The following TMEM135 variants were observed in gnomAD, a reference collection of about 807,000 sequenced individuals.
The protein encoded by TMEM135 is peroxisomal membrane protein 52.
A neutral mutation model predicts 60.3 loss-of-function variants in TMEM135; 30 were observed. The ratio of observed to expected loss-of-function variants is 0.50; its 90% CI spans 0.37 to 0.68. The LOEUF is 0.68. Ranked by LOEUF, TMEM135 falls within the 30% of genes least tolerant of loss-of-function variation. The pLI is 0.00. For missense variants in TMEM135, 468 were observed against 548.8 expected (o/e 0.85, Z 1.47); for synonymous variants, 190 against 186.7 (o/e 1.02, Z -0.14).
At chr11:87,071,479 A>G (rs1199125091) in intron 2 of TMEM135, 44 bp from the exon 3 acceptor site, 2 of 1,461,670 alleles carry the variant, frequency 1.4e-6, no homozygotes, top group East Asian at 2.3e-5. Flanking sequence ...AACTGAAGTG[A>G]CCAACTAGGA....
intron 4 of TMEM135, among the ~76,000 whole-genome samples, chr11:87,136,896 C>A (rs1010553191): frequency 1.7e-4 from 26 of 151,976 alleles, no homozygotes; most frequent in Non-Finnish European, 1.5e-4. Flanking sequence ...TTCTTCTTTT[C>A]CAGATTATAG....
chr11:87,140,913 T>A (rs1229057250), intron 4 of TMEM135, among the ~76,000 whole-genome samples: 1 of 152,204 alleles, frequency 6.6e-6, no homozygotes, highest in Non-Finnish European at 1.5e-5. Flanking sequence ...TATATTGATA[T>A]CTTTGTAGAA....
At chr11:87,313,368 A>G in intron 10 of TMEM135, 57 bp from the exon 11 acceptor site, 3 of 1,418,776 alleles carry the variant, frequency 2.1e-6, no homozygotes, top group Non-Finnish European at 3.0e-6. Flanking sequence ...TTTTTGTTTT[A>G]TGCTTTTATT....
chr11:87,288,141 C>G (rs546652597), intron 6 of TMEM135, among the ~76,000 whole-genome samples: 30 of 152,120 alleles, frequency 2.0e-4, no homozygotes, highest in Non-Finnish European at 4.0e-4. Context: ...AGAGGACTTT[C>G]TGTAACAATG....
In TMEM135 at chr11:87,213,388, G is replaced by A. The variant is rs115621071; in HGVS notation, c.463-23250G>A. ...TATAACAGAATATCAAGCTGAATACGTCATAAAAAATGACCGAGGGTACCT... is the reference window on the plus strand; with the variant it reads ...TATAACAGAATATCAAGCTGAATACATCATAAAAAATGACCGAGGGTACCT... On this transcript the variant is annotated intron_variant, in intron 5 of 14. Coordinates refer to ENST00000305494, the MANE Select transcript of TMEM135 (RefSeq NM_022918.4). Among the ~76,000 whole-genome samples, 326 of 152,116 alleles carry A rather than the reference G, an allele frequency of 2.1e-3. 6 individuals carry two copies. Among genetic ancestry groups the A allele is most frequent in the African/African-American group, 7.2e-3 (298 of 41,510 alleles).
intron 4 of TMEM135, among the ~76,000 whole-genome samples, chr11:87,104,249 G>T (rs542805981): frequency 6.6e-6 from 1 of 152,110 alleles, no homozygotes; most frequent in South Asian, 2.1e-4. Flanking sequence ...CATAACTGTG[G>T]GTTTATTTAT....
At chr11:87,203,655 G>A (rs1195275168) in intron 5 of TMEM135, among the ~76,000 whole-genome samples, 1 of 152,178 alleles carries the variant, frequency 6.6e-6, no homozygotes, top group African/African-American at 2.4e-5. Flanking sequence ...TAGGAATAGA[G>A]CTCTAATAAA....
At chr11:87,135,467 C>T (rs1938064454) in intron 4 of TMEM135, among the ~76,000 whole-genome samples, 1 of 148,528 alleles carries the variant, frequency 6.7e-6, no homozygotes, top group Admixed American at 6.8e-5. Flanking sequence ...AACAAATGTT[C>T]TAGCACCATT....
chr11:87,246,435 C>T (rs1398485211), intron 6 of TMEM135, among the ~76,000 whole-genome samples: 1 of 152,088 alleles, frequency 6.6e-6, no homozygotes, highest in African/African-American at 2.4e-5. Flanking sequence ...TGGATAATAT[C>T]CTGCAGAGTG....
chr11:87,055,667 G>A (rs1221539526), intron 1 of TMEM135, among the ~76,000 whole-genome samples: 2 of 151,356 alleles, frequency 1.3e-5, no homozygotes, highest in Admixed American at 1.3e-4. Context: ...CTCGGCTCAC[G>A]CCAACCTCCG....
intron 5 of TMEM135, among the ~76,000 whole-genome samples, chr11:87,226,517 C>G (rs1165582101): frequency 6.6e-6 from 1 of 152,136 alleles, no homozygotes; most frequent in Non-Finnish European, 1.5e-5. Flanking sequence ...AATAAGGACT[C>G]TAACTTCCAG....
chr11:87,284,348 A>T (rs1942124871), intron 6 of TMEM135, among the ~76,000 whole-genome samples: 1 of 152,210 alleles, frequency 6.6e-6, no homozygotes, highest in African/African-American at 2.4e-5. Context: ...TTGGTTTCTT[A>T]GCAATTTAAG....
intron 3 of TMEM135, among the ~76,000 whole-genome samples, chr11:87,090,123 G>T (rs181067951): frequency 6.6e-6 from 1 of 152,266 alleles, no homozygotes; most frequent in East Asian, 1.9e-4. Flanking sequence ...GGCACTGGGT[G>T]TATGGCACTG....
chr11:87,153,215 A>G (rs928701863), intron 4 of TMEM135, among the ~76,000 whole-genome samples: 7 of 152,312 alleles, frequency 4.6e-5, no homozygotes, highest in Admixed American at 3.9e-4. Flanking sequence ...ACAGAGGAAC[A>G]TGCACCCTAT....
intron 6 of TMEM135, among the ~76,000 whole-genome samples, chr11:87,279,808 A>G (rs1057474725): frequency 6.6e-6 from 1 of 152,240 alleles, no homozygotes; most frequent in African/African-American, 2.4e-5. Flanking sequence ...TATTATTCAC[A>G]TACACACAGA....
Position 87,323,717 on chromosome 11 carries a change from A to C in TMEM135, c.*2384A>C, listed in dbSNP as rs1472605583. On this transcript the variant is annotated 3_prime_UTR_variant, in exon 15 of 15. Coordinates refer to ENST00000305494, the MANE Select transcript of TMEM135 (RefSeq NM_022918.4). Reference sequence around the variant, plus strand: ...CTATTTTCTGTTTTAATAAAATCCTAGAACTAGTAGCAACCGAGTAAAGAT... The same window carrying C: ...CTATTTTCTGTTTTAATAAAATCCTCGAACTAGTAGCAACCGAGTAAAGAT... 3 of 453,632 alleles carry C rather than the reference A, an allele frequency of 6.6e-6. No individual in the cohort carries two copies. The highest frequency in any genetic ancestry group is 7.0e-4 in the Middle Eastern group (1 of 1,436). 28.1% of individuals were successfully genotyped at this position (453,632 alleles called of 1,614,324 possible).
intron 3 of TMEM135, among the ~76,000 whole-genome samples, chr11:87,076,879 C>G (rs1591000532): frequency 6.6e-6 from 1 of 152,030 alleles, no homozygotes; most frequent in Admixed American, 6.5e-5. Context: ...GGTCTCTTCT[C>G]CTACTGTGGC....
chr11:87,110,101 G>T (rs1857704637), intron 4 of TMEM135, among the ~76,000 whole-genome samples: 1 of 152,124 alleles, frequency 6.6e-6, no homozygotes, highest in South Asian at 2.1e-4. Flanking sequence ...TTTATGACCT[G>T]AGTGGCAGTG....
At chr11:87,055,897 G>A (rs903057763) in intron 1 of TMEM135, among the ~76,000 whole-genome samples, 1 of 152,122 alleles carries the variant, frequency 6.6e-6, no homozygotes, top group South Asian at 2.1e-4. Flanking sequence ...TGGATTTTGC[G>A]CAAGAAAGAA....
Sources: gnomAD v4.1 joint callset for allele counts (sites outside exome capture counted in the v4.1 genomes callset) on GRCh38, gnomAD v4.1.1 for gene constraint, MANE v1.5 for transcripts, NCBI Gene and HGNC (gene_info 2026-07-23, HGNC 2026-07-21) for gene names.